RFX8: variants seen among roughly 807,000 people sequenced by gnomAD.
RFX8 encodes the protein DNA-binding protein RFX8.
RFX8 carries 46 observed loss-of-function variants against 54.6 expected under a neutral mutation model. The ratio of observed to expected loss-of-function variants is 0.84; its 90% CI spans 0.67 to 1.08. The LOEUF (loss-of-function observed/expected upper bound fraction) is 1.08, where lower values mean the gene tolerates loss of function less well. RFX8 is among the 50% of genes least tolerant of loss of function. RFX8 has a pLI of 0.00. For missense variants in RFX8, 536 were observed against 562.3 expected (o/e 0.95, Z 0.47); for synonymous variants, 192 against 209.5 (o/e 0.92, Z 0.72).
At chr2:101,423,949 C>G (rs1687017847) in intron 2 of RFX8, among the ~76,000 whole-genome samples, 1 of 152,202 alleles carries the variant, frequency 6.6e-6, no homozygotes, top group South Asian at 2.1e-4. Flanking sequence ...CTTCATAACT[C>G]TGTTGTGATT....
intron 1 of RFX8, among the ~76,000 whole-genome samples, chr2:101,472,958 A>G (rs1690092483): frequency 6.6e-6 from 1 of 152,086 alleles, no homozygotes. Context: ...GGCGGAGGTC[A>G]CAGTGAACCA....
At chr2:101,421,861 G>A (rs1686885611) in intron 3 of RFX8, 84 bp from the exon 4 acceptor site, 5 of 979,960 alleles carry the variant, frequency 5.1e-6, no homozygotes, top group Non-Finnish European at 6.1e-6. Flanking sequence ...GAAGCTCTCA[G>A]AGGCCGCTCT....
At chr2:101,468,694 T>C (rs1689717631) in intron 1 of RFX8, among the ~76,000 whole-genome samples, 1 of 151,942 alleles carries the variant, frequency 6.6e-6, no homozygotes, top group Non-Finnish European at 1.5e-5. Context: ...AAAGATCCTA[T>C]TTCCAAATAA....
At chr2:101,474,238 T>C (rs2149006343) in intron 1 of RFX8, 1 of 538,782 alleles carries the variant, frequency 1.9e-6, no homozygotes, top group Non-Finnish European at 3.3e-6. Flanking sequence ...CCGGCTACCC[T>C]CGCCGCTCGA....
At chr2:101,470,327 G>A (rs181337680) in intron 1 of RFX8, among the ~76,000 whole-genome samples, 359 of 152,278 alleles carry the variant, frequency 2.4e-3, no homozygotes, top group Non-Finnish European at 4.0e-3. Flanking sequence ...TGCTGATGTT[G>A]GCAGAGTGGC....
At chr2:101,463,281 AG>A (rs1689381050) in intron 2 of RFX8, among the ~76,000 whole-genome samples, 2 of 152,330 alleles carry the variant, frequency 1.3e-5, no homozygotes, top group Admixed American at 1.3e-4. Context: ...TAGAGAGGAG[AG>A]GACACATAAG....
At position 101,454,866 on chromosome 2, in the gene RFX8, T is replaced by TA. The variant is rs1308570010; in HGVS notation, c.72+11910dup. 2.0e-5 allele frequency among the ~76,000 whole-genome samples: 3 copies of TA among 152,338 alleles called. No homozygotes were observed. In the South Asian group the frequency reaches 6.2e-4, roughly 32 times the overall value. On this transcript the variant is annotated intron_variant, in intron 2 of 11. Transcript: ENST00000428343. The stretch of plus-strand genomic sequence containing the variant: ...GTAGATTGCTTGTTCACTCTGATGA[T>TA]AGTTTCTTTTGCTGTGCAGAAGCTC...
intron 2 of RFX8, among the ~76,000 whole-genome samples, chr2:101,427,948 T>C (rs1687271872): frequency 6.6e-6 from 1 of 152,184 alleles, no homozygotes; most frequent in Non-Finnish European, 1.5e-5. Context: ...ACAGTATCTG[T>C]TACGGACAGA....
chr2:101,473,163 G>A (rs1017964604), intron 1 of RFX8, among the ~76,000 whole-genome samples: 1 of 152,194 alleles, frequency 6.6e-6, no homozygotes, highest in Non-Finnish European at 1.5e-5. Flanking sequence ...GAGTTCACAA[G>A]CGGTCTTAGG....
intron 2 of RFX8, among the ~76,000 whole-genome samples, chr2:101,426,434 G>A (rs192133819): frequency 1.3e-5 from 2 of 152,280 alleles, no homozygotes; most frequent in Admixed American, 1.3e-4. Context: ...TGAGAAGTTG[G>A]CTTGAGCCTA....
chr2:101,472,292 G>T (rs556240479), intron 1 of RFX8, among the ~76,000 whole-genome samples: 1 of 152,170 alleles, frequency 6.6e-6, no homozygotes, highest in Admixed American at 6.5e-5. Context: ...AGTAGAGATG[G>T]GGTTTCACCA....
At chr2:101,472,502 A>AC (rs966457845) in intron 1 of RFX8, among the ~76,000 whole-genome samples, 4 of 124,856 alleles carry the variant, frequency 3.2e-5, no homozygotes, top group Admixed American at 7.8e-5. Flanking sequence ...CATTGCCTCC[A>AC]CCCCCCAACC....
chr2:101,457,951 T>C (rs1689073229), intron 2 of RFX8, among the ~76,000 whole-genome samples: 1 of 152,216 alleles, frequency 6.6e-6, no homozygotes, highest in African/African-American at 2.4e-5. Flanking sequence ...TTGATCCCTT[T>C]ACCATTATGT....
chr2:101,455,442 A>C (rs1221764885), intron 2 of RFX8, among the ~76,000 whole-genome samples: 5 of 152,236 alleles, frequency 3.3e-5, no homozygotes, highest in Non-Finnish European at 5.9e-5. Flanking sequence ...ATGGTTAGCC[A>C]GTTTTCATAG....
rs1187181356 is a variant in RFX8, at chr2:101,474,244, C to G, written c.-53+392G>C. ...GTGCGGGCCCCGGCTACCCTCGCCGCTCGACGGCGAGGCCGGCACCCCCTC... is the reference window on the plus strand; with the variant it reads ...GTGCGGGCCCCGGCTACCCTCGCCGGTCGACGGCGAGGCCGGCACCCCCTC... On this transcript the variant is annotated intron_variant, in intron 1 of 11. Transcript: ENST00000428343. 3 of 616,970 alleles carry G rather than the reference C, an allele frequency of 4.9e-6. No homozygotes were observed. In the African/African-American group the frequency reaches 5.8e-5, roughly 12 times the overall value. 38.2% of individuals were successfully genotyped at this position (616,970 alleles called of 1,614,324 possible).
At chr2:101,431,042 T>C (rs1254698642) in intron 2 of RFX8, among the ~76,000 whole-genome samples, 1 of 152,186 alleles carries the variant, frequency 6.6e-6, no homozygotes, top group East Asian at 1.9e-4. Context: ...CTACTCCTAA[T>C]ATGTTTTCTT....
At chr2:101,474,321 G>T in intron 1 of RFX8, 1 of 463,374 alleles carries the variant, frequency 2.2e-6, no homozygotes, top group Non-Finnish European at 3.8e-6. Flanking sequence ...GCGAGCGGCG[G>T]CCGTGGGCGG....
intron 2 of RFX8, chr2:101,435,119 C>A (rs1260328624): frequency 6.6e-6 from 1 of 152,388 alleles, no homozygotes; most frequent in African/African-American, 2.4e-5. Flanking sequence ...CCGCCGTCTG[C>A]ACAGCCGCTG....
intron 5 of RFX8, among the ~76,000 whole-genome samples, chr2:101,418,610 G>A (rs1463286060): frequency 6.6e-6 from 1 of 152,098 alleles, no homozygotes; most frequent in African/African-American, 2.4e-5. Flanking sequence ...GACTCAATTC[G>A]GACTTCACTG....
Sources: gnomAD v4.1 joint callset for allele counts (sites outside exome capture counted in the v4.1 genomes callset) on GRCh38, gnomAD v4.1.1 for gene constraint, MANE v1.5 for transcripts, NCBI Gene and HGNC (gene_info 2026-07-23, HGNC 2026-07-21) for gene names.